The following DNAH14 variants were observed in gnomAD, a reference collection of about 807,000 sequenced individuals.
DNAH14 encodes the protein axonemal beta dynein heavy chain 14.
A neutral mutation model predicts 520.9 loss-of-function variants in DNAH14; 478 were observed. That is an observed-to-expected ratio of 0.92 (90% confidence interval 0.85 to 0.99). The LOEUF (loss-of-function observed/expected upper bound fraction) is 0.99. Ranked by LOEUF, DNAH14 falls within the 50% of genes least tolerant of loss-of-function variation. DNAH14 has a pLI of 0.00. For synonymous variants in DNAH14, 1,581 were observed against 1,757.2 expected, an observed-to-expected ratio of 0.90 and a Z score of 2.51; for missense variants, 4,831 against 5,234.5, an observed-to-expected ratio of 0.92 and a Z score of 2.38.
At chr1:225,070,400 A>G (rs1376939605) in intron 17 of DNAH14, among the ~76,000 whole-genome samples, 2 of 152,086 alleles carry the variant, frequency 1.3e-5, no homozygotes, top group Admixed American at 6.6e-5. Context: ...ATTCTGGTAC[A>G]TTGTATATTT....
At chr1:225,020,927 A>G (rs146768523) in intron 10 of DNAH14, among the ~76,000 whole-genome samples, 1 of 152,282 alleles carries the variant, frequency 6.6e-6, no homozygotes, top group Non-Finnish European at 1.5e-5. Context: ...AGTACAGCAA[A>G]CTGAATCCAG....
intron 17 of DNAH14, among the ~76,000 whole-genome samples, chr1:225,077,748 G>T (rs1156298744): frequency 6.6e-6 from 1 of 152,094 alleles, no homozygotes; most frequent in East Asian, 1.9e-4. Context: ...TGATTTTAAG[G>T]CCTCTTAATA....
chr1:225,197,891 T>G (rs539074111), intron 38 of DNAH14, among the ~76,000 whole-genome samples: 10 of 152,274 alleles, frequency 6.6e-5, no homozygotes, highest in African/African-American at 2.4e-4. Context: ...AATTCTGTAT[T>G]TAGAAACTTT....
chr1:225,357,475 C>T (rs892505621), intron 73 of DNAH14, among the ~76,000 whole-genome samples: 1 of 152,200 alleles, frequency 6.6e-6, no homozygotes, highest in African/African-American at 2.4e-5. Flanking sequence ...GTGATGGTAT[C>T]GGGGAAACAC....
At chr1:225,158,067 G>T (rs1435726053) in intron 34 of DNAH14, among the ~76,000 whole-genome samples, 1 of 152,100 alleles carries the variant, frequency 6.6e-6, no homozygotes, top group Non-Finnish European at 1.5e-5. Flanking sequence ...ACAAAGAAAT[G>T]ATAAATGTTT....
intron 36 of DNAH14, among the ~76,000 whole-genome samples, chr1:225,172,074 T>G (rs1490796674): frequency 6.6e-6 from 1 of 152,134 alleles, no homozygotes; most frequent in African/African-American, 2.4e-5. Context: ...CACCACTTCA[T>G]GCTAAAAACT....
Position 225,240,733 on chromosome 1 carries a change from G to T in DNAH14, c.6659G>T (p.Cys2220Phe), listed in dbSNP as rs1355124632. 6.4e-7 allele frequency: 1 copy of T among 1,550,614 alleles called. No homozygotes were observed. The highest frequency in any genetic ancestry group is 2.0e-5 in the Admixed American group (1 of 50,962). Reference protein sequence around the residue: ...EDEHRENIPFCPSLEPDSLAK... With the variant: ...EDEHRENIPFFPSLEPDSLAK... ...GAACACAGAGAAAATATACCATTTTGTCCCAGTCTTGAACCTGATTCTCTT... is the reference window on the plus strand; with the variant it reads ...GAACACAGAGAAAATATACCATTTTTTCCCAGTCTTGAACCTGATTCTCTT... Residue 2220 changes from cysteine (C) to phenylalanine (F), a missense_variant, in exon 43 of 86, where the codon TGT (cysteine) becomes TTT (phenylalanine). Coordinates refer to ENST00000682510, the MANE Select transcript of DNAH14 (RefSeq NM_001367479.1).
At chr1:225,375,302 C>T (rs963233713) in intron 78 of DNAH14, among the ~76,000 whole-genome samples, 1 of 152,216 alleles carries the variant, frequency 6.6e-6, no homozygotes, top group Non-Finnish European at 1.5e-5. Flanking sequence ...CTATCCAAGC[C>T]TTCACATTTG....
At position 225,185,398 on chromosome 1, in the gene DNAH14, A is replaced by G; in HGVS notation, c.5643A>G (p.Ser1881=). ...TATTACCAATTGCAGACTTCTTATC[A>G]GTTGCAGAAAGAAAATCTGCTTCAA... is the stretch of plus-strand genomic sequence containing the variant. ...LTLLPIADFL[S]VAERKSASKI... The change falls in exon 37 of 86, where the codon TCA becomes TCG. Residue 1881 remains serine, a synonymous_variant. Coordinates refer to ENST00000682510, the MANE Select transcript of DNAH14 (RefSeq NM_001367479.1). The G allele has an allele frequency of 1.3e-6, 2 of 1,535,434 alleles. No individual in the cohort carries two copies. The highest frequency in any genetic ancestry group is 1.8e-6 in the Non-Finnish European group (2 of 1,141,478).
chr1:225,154,684 G>C (rs1361713714), intron 34 of DNAH14, among the ~76,000 whole-genome samples: 4 of 151,900 alleles, frequency 2.6e-5, no homozygotes, highest in African/African-American at 4.8e-5. Flanking sequence ...CATTTACTAG[G>C]ATAAACTCTA....
chr1:225,344,167 G>A (rs1383529508), intron 69 of DNAH14, among the ~76,000 whole-genome samples: 1 of 151,104 alleles, frequency 6.6e-6, no homozygotes, highest in Non-Finnish European at 1.5e-5. Flanking sequence ...ATTAAGAGAT[G>A]CCTTGATTAT....
chr1:225,047,106 A>G (rs895683106), intron 15 of DNAH14, among the ~76,000 whole-genome samples: 4 of 152,194 alleles, frequency 2.6e-5, no homozygotes, highest in African/African-American at 9.6e-5. Context: ...TACCAGAGAA[A>G]ATATCTAGAA....
chr1:225,274,194 G>GTTTTTTT (rs1193834939), intron 52 of DNAH14, among the ~76,000 whole-genome samples: 1,987 of 119,926 alleles, frequency 0.017, 164 homozygotes, highest in East Asian at 0.047. Flanking sequence ...ACCAGCATCT[G>GTTTTTTT]TTATTTTTTT....
Position 225,374,878 on chromosome 1 carries a change from G to A in DNAH14, c.12509G>A (p.Ser4170Asn). Reference sequence around the variant, plus strand: ...CTGAAAGATGACTTCAGTTTCTCCAGTGATGGGGTAGGAAAAGAATCAATC... The same window carrying A: ...CTGAAAGATGACTTCAGTTTCTCCAATGATGGGGTAGGAAAAGAATCAATC... ...EVLKDDFSFSSDGICLPVPGS... is the reference protein window; with the variant it reads ...EVLKDDFSFSNDGICLPVPGS... The change falls in exon 78 of 86, where the codon AGT (serine) becomes AAT (asparagine). Residue 4170 changes from serine (S) to asparagine (N), a missense_variant. Transcript: ENST00000682510. 1 of 1,547,334 alleles carries A rather than the reference G, an allele frequency of 6.5e-7. No individual in the cohort carries two copies. Among genetic ancestry groups the A allele is most frequent in the Non-Finnish European group, 8.7e-7 (1 of 1,144,106 alleles).
intron 36 of DNAH14, among the ~76,000 whole-genome samples, chr1:225,174,030 A>G (rs972366271): frequency 2.0e-5 from 3 of 152,102 alleles, no homozygotes; most frequent in African/African-American, 7.2e-5. Context: ...CAAACACCGC[A>G]TGTTCTCACT....
At position 225,322,841 on chromosome 1, in the gene DNAH14, A is replaced by C. The variant is rs1384165638; in HGVS notation, c.9495+18A>C. 2.6e-6 allele frequency: 4 copies of C among 1,538,234 alleles called. No homozygotes were observed. The highest frequency in any genetic ancestry group is 3.5e-6 in the Non-Finnish European group (4 of 1,136,664). The stretch of plus-strand genomic sequence containing the variant: ...CTGATAAGGTAAAAAGTTGATCTCT[A>C]ATTGATGCATCTCATATTTACAGTC... On this transcript the variant is annotated intron_variant, in intron 62 of 85. Coordinates refer to ENST00000682510, the MANE Select transcript of DNAH14 (RefSeq NM_001367479.1).
In DNAH14 at chr1:225,273,012, G is replaced by C; in HGVS notation, c.7897G>C (p.Ala2633Pro). Residue 2633 changes from alanine (A) to proline (P), a missense_variant, in exon 52 of 86, where the codon GCT becomes CCT. Coordinates refer to ENST00000682510, the MANE Select transcript of DNAH14 (RefSeq NM_001367479.1). ...TGTTGTTAACTCCAAAGAGATGGCT[G>C]CTCTGCTCTTTGTTCATGAAGCCAC... ...RTVVNSKEMA[A>P]LLFVHEATRV... is the part of the protein sequence containing the mutation. 1.9e-6 allele frequency: 3 copies of C among 1,551,498 alleles called. No individual in the cohort carries two copies. The highest frequency in any genetic ancestry group is 2.6e-6 in the Non-Finnish European group (3 of 1,146,916).
chr1:225,244,316 T>C (rs2092148088), intron 43 of DNAH14, among the ~76,000 whole-genome samples: 1 of 152,154 alleles, frequency 6.6e-6, no homozygotes, highest in African/African-American at 2.4e-5. Flanking sequence ...AAATTTTCTT[T>C]TTTTGTTGTG....
rs140788075 is a variant in DNAH14 at position 225,043,892 on chromosome 1, A to G, written c.1821A>G (p.Pro607=). The change falls in exon 15 of 86, where the codon CCA becomes CCG. Residue 607 remains proline (P), a synonymous_variant. Coordinates refer to ENST00000682510, the MANE Select transcript of DNAH14 (RefSeq NM_001367479.1). ...FENKYMYYEF[P]EFPTNLFIDP... Reference sequence around the variant, plus strand: ...TTATTGTTTTCTCTGTTAGATTTCCAGAATTTCCTACAAATCTCTTTATAG... The same window carrying G: ...TTATTGTTTTCTCTGTTAGATTTCCGGAATTTCCTACAAATCTCTTTATAG... The G allele has an allele frequency of 4.3e-4, 656 of 1,524,270 alleles. 3 individuals are homozygous for G. In the African/African-American group the frequency reaches 8.1e-3, roughly 19 times the overall value. The allele number at this position is 1,524,270 out of a possible 1,614,324, so 94.4% of individuals were successfully genotyped here.
Sources: gnomAD v4.1 joint callset for allele counts (sites outside exome capture counted in the v4.1 genomes callset) on GRCh38, gnomAD v4.1.1 for gene constraint, MANE v1.5 for transcripts, NCBI Gene and HGNC (gene_info 2026-07-23, HGNC 2026-07-21) for gene names.